Variants in FSTL4 observed in about 807,000 individuals in gnomAD.
FSTL4 encodes follistatin-related protein 4.
Under a neutral mutation model 78.2 loss-of-function variants are expected in FSTL4, and 28 were observed. That is an observed-to-expected ratio of 0.36 (90% CI 0.27 to 0.49). The LOEUF is 0.49. Among genes scored for constraint, FSTL4 ranks in the 20% least tolerant of loss-of-function variants. The pLI, the probability that FSTL4 is intolerant of heterozygous loss-of-function variation, is 0.98. For synonymous variants in FSTL4, 422 were observed against 440.5 expected, an observed-to-expected ratio of 0.96 and a Z score of 0.53; for missense variants, 922 against 1,084.9, an observed-to-expected ratio of 0.85 and a Z score of 2.11.
In FSTL4 at chr5:133,236,054, C is replaced by G. The variant is rs1751651341; in HGVS notation, c.895-2517G>C. 6.6e-6 allele frequency among the ~76,000 whole-genome samples: 1 copy of G among 151,948 alleles called. No individual in the cohort carries two copies. The highest frequency in any genetic ancestry group is 2.1e-4 in the South Asian group (1 of 4,796). On this transcript the variant is annotated intron_variant, in intron 7 of 15. Coordinates refer to ENST00000265342, the MANE Select transcript of FSTL4 (RefSeq NM_015082.2). The surrounding 1 kb of genome is among the most constrained non-coding windows in gnomAD (Gnocchi z 5.0). ...CAGTTGGTGGGTCCCAGGGCAGACA[C>G]CATCCGAGAGGGCAAAAACCAGAGC...
chr5:133,539,379 G>A (rs1759421558), intron 3 of FSTL4, among the ~76,000 whole-genome samples: 1 of 152,030 alleles, frequency 6.6e-6, no homozygotes, highest in Non-Finnish European at 1.5e-5. Flanking sequence ...ATCTAAATCA[G>A]GTCCAGGTTC....
the FSTL4 span, among the ~76,000 whole-genome samples, chr5:133,685,849 C>G: frequency 6.6e-6 from 1 of 152,264 alleles, no homozygotes; most frequent in Non-Finnish European, 1.5e-5. Flanking sequence ...CACACCCTCA[C>G]TGTGTCCCAG....
chr5:133,284,699 G>C (rs1033104746), intron 6 of FSTL4, among the ~76,000 whole-genome samples: 1 of 152,188 alleles, frequency 6.6e-6, no homozygotes, highest in African/African-American at 2.4e-5. Flanking sequence ...CCAAGATTTG[G>C]ATGAACCCCC....
At chr5:133,664,044 G>A in the FSTL4 span, among the ~76,000 whole-genome samples, 1 of 146,272 alleles carries the variant, frequency 6.8e-6, no homozygotes, top group African/African-American at 2.7e-5. Context: ...GAGTGTGGGG[G>A]CACGCTGATT....
intron 3 of FSTL4, among the ~76,000 whole-genome samples, chr5:133,450,714 G>C (rs551263291): frequency 6.6e-6 from 1 of 152,164 alleles, no homozygotes; most frequent in Non-Finnish European, 1.5e-5. Context: ...TTCCCAGTTC[G>C]GCATCCCCAG....
upstream of FSTL4, among the ~76,000 whole-genome samples, chr5:133,615,156 G>A (rs76520335): frequency 0.016 from 2,403 of 152,306 alleles, 34 homozygotes; most frequent in Middle Eastern, 0.034. Context: ...ATCACTAACT[G>A]TGGGTCAGCT....
chr5:133,447,971 TAATTTCAGGTACCTTCAAGGAGGA>T (rs1561720633), intron 3 of FSTL4, among the ~76,000 whole-genome samples: 1 of 152,216 alleles, frequency 6.6e-6, no homozygotes, highest in Non-Finnish European at 1.5e-5. Flanking sequence ...CAAGATTTTT[TAATTTCAGGTACCTTCAAGGAGGA>T]AATTGTCATT....
chr5:133,674,725 T>C, the FSTL4 span, among the ~76,000 whole-genome samples: 3 of 152,054 alleles, frequency 2.0e-5, no homozygotes, highest in Non-Finnish European at 4.4e-5. Flanking sequence ...TGGCACACAG[T>C]GGTGCACAAT....
chr5:133,711,154 T>A, the FSTL4 span, among the ~76,000 whole-genome samples: 1 of 152,132 alleles, frequency 6.6e-6, no homozygotes, highest in East Asian at 1.9e-4. Context: ...GAGGCCCAGG[T>A]TCCCAGAGAG....
intron 3 of FSTL4, among the ~76,000 whole-genome samples, chr5:133,460,330 C>T (rs780056004): frequency 3.3e-5 from 5 of 152,056 alleles, no homozygotes; most frequent in Admixed American, 1.3e-4. Flanking sequence ...ACCAAGCCAC[C>T]GGGGGGATGA....
the FSTL4 span, among the ~76,000 whole-genome samples, chr5:133,637,290 GA>G: frequency 6.6e-6 from 1 of 151,878 alleles, no homozygotes; most frequent in Admixed American, 6.6e-5. Context: ...CCACTCCACT[GA>G]AACTCATCTT....
At chr5:133,382,421 G>T (rs929448044) in intron 4 of FSTL4, among the ~76,000 whole-genome samples, 1 of 152,202 alleles carries the variant, frequency 6.6e-6, no homozygotes, top group South Asian at 2.1e-4. Context: ...ACCTACTTGT[G>T]ATGATTGTTA....
At chr5:133,347,643 G>A (rs1754725296) in intron 4 of FSTL4, among the ~76,000 whole-genome samples, 1 of 152,174 alleles carries the variant, frequency 6.6e-6, no homozygotes, top group African/African-American at 2.4e-5. Flanking sequence ...ATAGGCATGA[G>A]CCACTGAGCT....
At chr5:133,508,935 C>G (rs1028578941) in intron 3 of FSTL4, among the ~76,000 whole-genome samples, 1 of 152,062 alleles carries the variant, frequency 6.6e-6, no homozygotes, top group Non-Finnish European at 1.5e-5. Flanking sequence ...TCATCTTACT[C>G]ATATATAAGG....
At chr5:133,283,894 G>A (rs1192056298) in intron 6 of FSTL4, among the ~76,000 whole-genome samples, 1 of 152,162 alleles carries the variant, frequency 6.6e-6, no homozygotes, top group African/African-American at 2.4e-5. Flanking sequence ...GAAGGCAGAG[G>A]GGAAGCAAGC....
At chr5:133,364,726 C>T (rs886321018) in intron 4 of FSTL4, among the ~76,000 whole-genome samples, 3 of 152,158 alleles carry the variant, frequency 2.0e-5, no homozygotes, top group Non-Finnish European at 4.4e-5. Flanking sequence ...TGAAAATGAA[C>T]ATTTGTGCTG....
At chr5:133,682,842 G>A in the FSTL4 span, among the ~76,000 whole-genome samples, 5 of 152,194 alleles carry the variant, frequency 3.3e-5, no homozygotes, top group Admixed American at 2.6e-4. Context: ...TCCATGTGTT[G>A]ATGCTGAGGC....
chr5:133,782,891 C>T, the FSTL4 span, among the ~76,000 whole-genome samples: 1 of 152,202 alleles, frequency 6.6e-6, no homozygotes, highest in Non-Finnish European at 1.5e-5. Flanking sequence ...ATCAGAACCT[C>T]ACGCTGCTCT....
chr5:133,644,306 T>G, the FSTL4 span, among the ~76,000 whole-genome samples: 8 of 152,272 alleles, frequency 5.3e-5, no homozygotes, highest in South Asian at 6.2e-4. Flanking sequence ...AAAGTCTTTT[T>G]TGTGTGTGTT....
Sources: allele counts gnomAD v4.1 joint callset (sites outside exome capture counted in the v4.1 genomes callset), GRCh38; gene constraint gnomAD v4.1.1; non-coding constraint Gnocchi (gnomAD v3.1); transcripts MANE v1.5; gene names NCBI Gene and HGNC (gene_info 2026-07-23, HGNC 2026-07-21).